Variants in TESK2 observed in about 807,000 individuals in gnomAD.
The protein encoded by TESK2 is testis associated actin remodelling kinase 2, also known as dual specificity testis-specific protein kinase 2.
A neutral mutation model predicts 57.1 loss-of-function variants in TESK2; 39 were observed. That is an observed-to-expected ratio of 0.68 (90% CI 0.53 to 0.89). TESK2 has a LOEUF of 0.89. Ranked by LOEUF, TESK2 falls within the 40% of genes least tolerant of loss-of-function variation. TESK2 has a pLI of 0.00. For missense variants in TESK2, 646 were observed against 732.1 expected, an observed-to-expected ratio of 0.88 and a Z score of 1.36; for synonymous variants, 249 against 267.9, an observed-to-expected ratio of 0.93 and a Z score of 0.69.
chr1:45,467,611 T>G (rs556151568), intron 1 of TESK2, among the ~76,000 whole-genome samples: 1 of 150,516 alleles, frequency 6.6e-6, no homozygotes, highest in African/African-American at 2.5e-5. Context: ...ATTACAGGCA[T>G]GAGCCACTGT....
At chr1:45,364,282 A>T (rs1647814838) in intron 4 of TESK2, among the ~76,000 whole-genome samples, 1 of 152,222 alleles carries the variant, frequency 6.6e-6, no homozygotes, top group Non-Finnish European at 1.5e-5. Flanking sequence ...GGAGTAGGGC[A>T]GGCCCTTAAT....
chr1:45,444,297 C>G (rs1468433074), intron 2 of TESK2, among the ~76,000 whole-genome samples: 2 of 151,950 alleles, frequency 1.3e-5, no homozygotes, highest in African/African-American at 4.8e-5. Context: ...TGTAGTTTAC[C>G]AAATACTGTA....
intron 3 of TESK2, among the ~76,000 whole-genome samples, chr1:45,395,722 T>C (rs1197576774): frequency 6.6e-6 from 1 of 150,442 alleles, no homozygotes; most frequent in Non-Finnish European, 1.5e-5. Context: ...TCTTTCTGCC[T>C]CACCCTCCCA....
intron 4 of TESK2, among the ~76,000 whole-genome samples, chr1:45,364,353 G>C (rs1031455943): frequency 6.6e-6 from 1 of 152,166 alleles, no homozygotes; most frequent in Non-Finnish European, 1.5e-5. Flanking sequence ...CAGGGAAAAT[G>C]TCATGTTAAG....
intron 1 of TESK2, among the ~76,000 whole-genome samples, chr1:45,483,435 AAAAT>A (rs1653317617): frequency 1.3e-5 from 2 of 151,944 alleles, no homozygotes; most frequent in Non-Finnish European, 2.9e-5. Flanking sequence ...GTCTCTACTA[AAAAT>A]ACAAAAAAAT....
intron 1 of TESK2, among the ~76,000 whole-genome samples, chr1:45,478,763 G>A (rs1441331504): frequency 1.3e-5 from 2 of 149,738 alleles, no homozygotes; most frequent in Non-Finnish European, 3.0e-5. Flanking sequence ...TGTGTGGCCC[G>A]CTCAGGCTGG....
At chr1:45,422,904 C>G (rs1691220) in intron 2 of TESK2, among the ~76,000 whole-genome samples, 139,729 of 151,760 alleles carry the variant, frequency 0.92, 65,489 homozygotes, top group East Asian at 1. Flanking sequence ...CGAGTAGCTG[C>G]GATTACAAGC....
chr1:45,395,774 A>G (rs967272379), intron 3 of TESK2, among the ~76,000 whole-genome samples: 2 of 151,518 alleles, frequency 1.3e-5, no homozygotes, highest in Non-Finnish European at 2.9e-5. Flanking sequence ...TGCCCAGCCT[A>G]TATCACCTTC....
At chr1:45,375,422 C>CGT (rs1557548170) in intron 4 of TESK2, among the ~76,000 whole-genome samples, 1 of 126,070 alleles carries the variant, frequency 7.9e-6, no homozygotes, top group Non-Finnish European at 1.6e-5. Flanking sequence ...GTTCCTTCAC[C>CGT]CTTTTTTTTT....
At chr1:45,356,239 G>C (rs1240035427) in intron 4 of TESK2, among the ~76,000 whole-genome samples, 2 of 152,078 alleles carry the variant, frequency 1.3e-5, no homozygotes. Context: ...GCCTGGATTA[G>C]AGAATGAGAG....
intron 2 of TESK2, among the ~76,000 whole-genome samples, chr1:45,433,998 ATTG>A (rs528118760): frequency 2.7e-5 from 4 of 150,694 alleles, no homozygotes; most frequent in Admixed American, 6.6e-5. Flanking sequence ...TGTTGTTGTT[ATTG>A]TTGTTGTTTT....
In TESK2 at chr1:45,357,355, G is replaced by A. The variant is rs72890587; in HGVS notation, c.394-1906C>T. ...ATCAAAAGCCATGAATGAGGAAGAC[G>A]AGCTTGAAAGGTATCCACTGAATTT... On this transcript the variant is annotated intron_variant, in intron 4 of 10. Coordinates refer to ENST00000372086, the MANE Select transcript of TESK2 (RefSeq NM_007170.3). Among the ~76,000 whole-genome samples, 764 of 152,020 alleles carry A rather than the reference G, an allele frequency of 5.0e-3. 8 individuals are homozygous for A. Among genetic ancestry groups the A allele is most frequent in the African/African-American group, 0.017 (723 of 41,498 alleles).
intron 1 of TESK2, among the ~76,000 whole-genome samples, chr1:45,464,623 C>A (rs1346155789): frequency 6.6e-6 from 1 of 152,156 alleles, no homozygotes; most frequent in Non-Finnish European, 1.5e-5. Flanking sequence ...TACAACTTTA[C>A]TGAATTGTTA....
At chr1:45,432,690 CA>C (rs969585213) in intron 2 of TESK2, among the ~76,000 whole-genome samples, 30 of 121,352 alleles carry the variant, frequency 2.5e-4, no homozygotes, top group Admixed American at 5.2e-4. Flanking sequence ...GACTCCGTCT[CA>C]AAAAAAAAAG....
chr1:45,423,351 A>G (rs1650557857), intron 2 of TESK2, among the ~76,000 whole-genome samples: 1 of 152,032 alleles, frequency 6.6e-6, no homozygotes, highest in African/African-American at 2.4e-5. Flanking sequence ...AGGTCACAAA[A>G]TCGAGACCAG....
intron 2 of TESK2, among the ~76,000 whole-genome samples, chr1:45,432,824 CAT>C (rs1366528006): frequency 7.6e-5 from 9 of 118,374 alleles, no homozygotes; most frequent in Non-Finnish European, 1.5e-4. Context: ...AGTGCAGTGG[CAT>C]GATCTCGCCT....
At chr1:45,377,589 T>C (rs1053349682) in intron 4 of TESK2, among the ~76,000 whole-genome samples, 30 of 151,254 alleles carry the variant, frequency 2.0e-4, no homozygotes, top group African/African-American at 7.0e-4. Context: ...CAGCTAATTT[T>C]TGTATTTTTA....
intron 1 of TESK2, among the ~76,000 whole-genome samples, chr1:45,477,711 G>A (rs1432886443): frequency 6.6e-6 from 1 of 152,160 alleles, no homozygotes; most frequent in Non-Finnish European, 1.5e-5. Context: ...ACAGGTGACA[G>A]TTAAAAATCT....
chr1:45,382,382 G>A (rs1435312079), intron 4 of TESK2, among the ~76,000 whole-genome samples: 2 of 152,092 alleles, frequency 1.3e-5, no homozygotes, highest in East Asian at 1.9e-4. Flanking sequence ...GGGACTACAG[G>A]TGCATGCTAC....
Sources: gnomAD v4.1 joint callset for allele counts (sites outside exome capture counted in the v4.1 genomes callset) on GRCh38, gnomAD v4.1.1 for gene constraint, MANE v1.5 for transcripts, NCBI Gene and HGNC (gene_info 2026-07-23, HGNC 2026-07-21) for gene names.